VPS13B: variants seen among roughly 807,000 people sequenced by gnomAD.
VPS13B encodes the protein intermembrane lipid transfer protein VPS13B.
VPS13B carries 285 observed loss-of-function variants against 426.4 expected under a neutral mutation model. That is an observed-to-expected ratio of 0.67 (90% CI 0.61 to 0.74). VPS13B has a LOEUF of 0.74. VPS13B is among the 30% of genes least tolerant of loss of function. The pLI is 0.00. For missense variants in VPS13B, 4,537 were observed against 4,782.6 expected (o/e 0.95, Z 1.51); for synonymous variants, 1,676 against 1,676.4 (o/e 1.00, Z 0.01).
At chr8:99,315,176 T>C (rs1028827864) in intron 19 of VPS13B, among the ~76,000 whole-genome samples, 1 of 152,214 alleles carries the variant, frequency 6.6e-6, no homozygotes, top group Non-Finnish European at 1.5e-5. Flanking sequence ...TATCTAAATC[T>C]CTTGCTAAAC....
chr8:99,379,352 G>C (rs772031206), intron 19 of VPS13B, among the ~76,000 whole-genome samples: 1 of 151,624 alleles, frequency 6.6e-6, no homozygotes, highest in Non-Finnish European at 1.5e-5. Context: ...TTTTTTTTTG[G>C]CGGATGGGCG....
At chr8:99,190,877 C>A (rs913930613) in intron 16 of VPS13B, among the ~76,000 whole-genome samples, 43 of 151,880 alleles carry the variant, frequency 2.8e-4, no homozygotes, top group Admixed American at 6.6e-4. Context: ...CATTCCCATT[C>A]TCTTCACATT....
chr8:99,719,895 T>C (rs867202956), intron 37 of VPS13B, among the ~76,000 whole-genome samples: 1 of 152,260 alleles, frequency 6.6e-6, no homozygotes, highest in South Asian at 2.1e-4. Context: ...CCTCTAAAAG[T>C]GCAGAGAAAG....
chr8:99,087,369 A>G (rs931686540), intron 3 of VPS13B, among the ~76,000 whole-genome samples: 2 of 151,966 alleles, frequency 1.3e-5, no homozygotes, highest in African/African-American at 4.8e-5. Flanking sequence ...CCTTTCTTTG[A>G]CTAGGAAAGG....
At chr8:99,135,179 A>G in intron 10 of VPS13B, 42 bp downstream of exon 10, 1 of 1,610,952 alleles carries the variant, frequency 6.2e-7, no homozygotes, top group Non-Finnish European at 8.5e-7. Flanking sequence ...AGGATATAGG[A>G]ATAATTAAGT....
chr8:99,838,019 A>G (rs892957010), intron 54 of VPS13B, among the ~76,000 whole-genome samples: 3 of 152,242 alleles, frequency 2.0e-5, no homozygotes, highest in Non-Finnish European at 4.4e-5. Flanking sequence ...GAATTTTGAA[A>G]TGGATTGCAT....
intron 2 of VPS13B, among the ~76,000 whole-genome samples, chr8:99,015,775 T>C (rs34788463): frequency 0.26 from 39,140 of 151,630 alleles, 5,696 homozygotes; most frequent in East Asian, 0.43. Flanking sequence ...TGGTGGCATG[T>C]GCCTGTAATC....
chr8:99,392,284 C>T (rs1402042354), intron 21 of VPS13B, among the ~76,000 whole-genome samples: 1 of 151,910 alleles, frequency 6.6e-6, no homozygotes, highest in Non-Finnish European at 1.5e-5. Context: ...GTATAACTAT[C>T]CTTCTATAAA....
intron 58 of VPS13B, among the ~76,000 whole-genome samples, chr8:99,867,263 A>G (rs962671795): frequency 7.2e-5 from 11 of 151,988 alleles, no homozygotes; most frequent in African/African-American, 2.7e-4. Flanking sequence ...AAAAAAAATC[A>G]GAATGGTAAG....
At chr8:99,204,485 C>T (rs1362491601) in intron 17 of VPS13B, among the ~76,000 whole-genome samples, 4 of 152,156 alleles carry the variant, frequency 2.6e-5, no homozygotes, top group Non-Finnish European at 5.9e-5. Flanking sequence ...AAAGGAATGG[C>T]AACAAAAGCC....
In VPS13B at chr8:99,871,789, A is replaced by C. The variant is rs1017836922; in HGVS notation, c.11745+92A>C. On this transcript the variant is annotated intron_variant, in intron 61 of 61. Coordinates refer to ENST00000357162, the MANE Select transcript of VPS13B (RefSeq NM_152564.5). ...TGGTACCTAGGCATTTCTGAGCTGC[A>C]GCCTCTGGAGTGGCTGCTGGAGACC... 32 of 1,599,282 alleles carry C rather than the reference A, an allele frequency of 2.0e-5. No homozygotes were observed. In the Admixed American group the frequency reaches 5.3e-4, roughly 27 times the overall value.
At chr8:99,867,843 T>C (rs777041751) in intron 58 of VPS13B, among the ~76,000 whole-genome samples, 2 of 152,224 alleles carry the variant, frequency 1.3e-5, no homozygotes, top group Non-Finnish European at 2.9e-5. Context: ...TTATCATTAT[T>C]ATCAAAAGTG....
chr8:99,301,364 G>A (rs1820357604), intron 19 of VPS13B, among the ~76,000 whole-genome samples: 1 of 150,794 alleles, frequency 6.6e-6, no homozygotes, highest in Admixed American at 6.6e-5. Flanking sequence ...CGCAATCTCG[G>A]CTCACCGCAA....
intron 17 of VPS13B, among the ~76,000 whole-genome samples, chr8:99,257,053 CAT>C (rs1817781667): frequency 6.6e-6 from 1 of 152,050 alleles, no homozygotes; most frequent in African/African-American, 2.4e-5. Flanking sequence ...GAATAAAAGA[CAT>C]ATGAATCAAA....
chr8:99,584,826 C>A (rs1268651716), intron 33 of VPS13B, among the ~76,000 whole-genome samples: 2 of 152,034 alleles, frequency 1.3e-5, no homozygotes, highest in African/African-American at 4.8e-5. Context: ...ATTATGGATA[C>A]TAGGGTGACA....
chr8:99,460,734 GT>G (rs1005063143), intron 23 of VPS13B, among the ~76,000 whole-genome samples: 12 of 148,846 alleles, frequency 8.1e-5, no homozygotes, highest in East Asian at 3.9e-4. Context: ...TGACTGTTTT[GT>G]TTTTTTTTTC....
intron 21 of VPS13B, 61 bp from the exon 22 acceptor site, chr8:99,431,476 G>C: frequency 1.3e-6 from 2 of 1,582,694 alleles, no homozygotes. Context: ...AATACGTTTG[G>C]TATGTTCTGT....
At chr8:99,050,923 G>T (rs1843510767) in intron 3 of VPS13B, among the ~76,000 whole-genome samples, 1 of 152,252 alleles carries the variant, frequency 6.6e-6, no homozygotes, top group Non-Finnish European at 1.5e-5. Flanking sequence ...GTAGATTCTG[G>T]ATATTAGCCC....
chr8:99,042,757 A>G (rs957729626), intron 3 of VPS13B, among the ~76,000 whole-genome samples: 4 of 152,102 alleles, frequency 2.6e-5, no homozygotes, highest in Non-Finnish European at 2.9e-5. Context: ...AAATTGCTGG[A>G]ATTACAATCA....
Sources: gnomAD v4.1 joint callset for allele counts (sites outside exome capture counted in the v4.1 genomes callset) on GRCh38, gnomAD v4.1.1 for gene constraint, MANE v1.5 for transcripts, NCBI Gene and HGNC (gene_info 2026-07-23, HGNC 2026-07-21) for gene names.